Variants in TUSC3 observed in about 807,000 individuals in gnomAD.
The protein encoded by TUSC3 is tumor suppressor candidate 3.
TUSC3 carries 45 observed loss-of-function variants against 44.8 expected under a neutral mutation model. That is an observed-to-expected ratio of 1.00 (90% CI 0.79 to 1.29). TUSC3 has a LOEUF of 1.29. TUSC3 is among the 50% of genes most tolerant of loss of function. The pLI is 0.00. For synonymous variants in TUSC3, 212 were observed against 152.9 expected (o/e 1.39, Z -2.85); for missense variants, 519 against 437.9 (o/e 1.19, Z -1.65).
chr8:15,533,795 G>C (rs139565599), intron 2 of TUSC3, among the ~76,000 whole-genome samples: 1 of 152,126 alleles, frequency 6.6e-6, no homozygotes, highest in Non-Finnish European at 1.5e-5. Context: ...TTTACTGAGG[G>C]GTTGAAATGT....
chr8:15,549,706 AGT>A (rs1282510726), intron 1 of TUSC3, among the ~76,000 whole-genome samples: 4 of 151,416 alleles, frequency 2.6e-5, no homozygotes, highest in Non-Finnish European at 4.4e-5. Flanking sequence ...TTTCAAGGGG[AGT>A]AAAAGTTTTT....
At chr8:15,603,083 G>A (rs1804359470) in intron 1 of TUSC3, among the ~76,000 whole-genome samples, 1 of 151,506 alleles carries the variant, frequency 6.6e-6, no homozygotes, top group Non-Finnish European at 1.5e-5. Flanking sequence ...AAATTGATAT[G>A]TCAAGTCCTA....
At chr8:15,662,060 G>A in intron 4 of TUSC3, 96 bp from the exon 5 acceptor site, 1 of 1,393,548 alleles carries the variant, frequency 7.2e-7, no homozygotes, top group Admixed American at 1.9e-5. Flanking sequence ...GCATGTTTCT[G>A]AGTTCTTTGC....
chr8:15,645,040 A>G lies in TUSC3; in HGVS notation c.309-5657A>G, dbSNP rs1311042727. Among the ~76,000 whole-genome samples the G allele has an allele frequency of 2.6e-4, 39 of 152,192 alleles. 1 individual carries two copies. Reference sequence around the variant, plus strand: ...TGAAATAGGTCACATCTTCATTTACATAATATTTTAATAGTCTCATATGTT... The same window carrying G: ...TGAAATAGGTCACATCTTCATTTACGTAATATTTTAATAGTCTCATATGTT... On this transcript the variant is annotated intron_variant, in intron 2 of 10. Coordinates refer to ENST00000503731, the MANE Select transcript of TUSC3 (RefSeq NM_006765.4).
At chr8:15,546,873 TTGCCTGCC>T (rs1045305027) in intron 1 of TUSC3, among the ~76,000 whole-genome samples, 1 of 151,544 alleles carries the variant, frequency 6.6e-6, no homozygotes, top group Admixed American at 6.6e-5. Context: ...TGGTATCTGT[TTGCCTGCC>T]TGCCTGCCTG....
intron 5 of TUSC3, among the ~76,000 whole-genome samples, chr8:15,670,779 T>G (rs1371708138): frequency 6.6e-6 from 1 of 151,890 alleles, no homozygotes; most frequent in East Asian, 1.9e-4. Flanking sequence ...TGAGGACTAT[T>G]TGCCATGTGT....
intron 6 of TUSC3, among the ~76,000 whole-genome samples, chr8:15,691,071 C>T (rs75563340): frequency 6.6e-6 from 1 of 151,016 alleles, no homozygotes; most frequent in East Asian, 1.9e-4. Flanking sequence ...AGAAATATCA[C>T]TGAATTTGTG....
At chr8:15,744,393 G>C (rs1811318490) in intron 8 of TUSC3, among the ~76,000 whole-genome samples, 1 of 152,084 alleles carries the variant, frequency 6.6e-6, no homozygotes, top group Admixed American at 6.6e-5. Context: ...TTAATATCAA[G>C]TCCCTATATG....
At chr8:15,455,401 G>A (rs1009832624) in intron 1 of TUSC3, among the ~76,000 whole-genome samples, 1 of 151,804 alleles carries the variant, frequency 6.6e-6, no homozygotes, top group Non-Finnish European at 1.5e-5. Flanking sequence ...GTATATTTAT[G>A]TATATATACA....
At chr8:15,755,317 G>A (rs1002688571) in intron 9 of TUSC3, among the ~76,000 whole-genome samples, 3 of 152,046 alleles carry the variant, frequency 2.0e-5, no homozygotes, top group African/African-American at 4.8e-5. Flanking sequence ...TTAGCACATT[G>A]CCTGGTACAT....
At chr8:15,657,572 A>C (rs933353346) in intron 3 of TUSC3, among the ~76,000 whole-genome samples, 2 of 152,092 alleles carry the variant, frequency 1.3e-5, no homozygotes, top group African/African-American at 4.8e-5. Context: ...GATCATAACC[A>C]CTTAAATAAG....
chr8:15,780,558 T>G, the TUSC3 span, among the ~76,000 whole-genome samples: 1 of 152,216 alleles, frequency 6.6e-6, no homozygotes, highest in Non-Finnish European at 1.5e-5. Context: ...GGAAGGCACT[T>G]GCCAGCATAC....
At chr8:15,473,350 A>G (rs1378362661) in intron 1 of TUSC3, among the ~76,000 whole-genome samples, 2 of 152,208 alleles carry the variant, frequency 1.3e-5, no homozygotes, top group Non-Finnish European at 2.9e-5. Context: ...GAAATGTTTC[A>G]TCCCATACCC....
chr8:15,423,969 GTTTTTTTTTTTTTTTTTTTTT>G (rs112397215), intron 1 of TUSC3, among the ~76,000 whole-genome samples: 3 of 70,362 alleles, frequency 4.3e-5, no homozygotes, highest in East Asian at 1.1e-3. Flanking sequence ...GTTTTGCTTT[GTTTTTTTTTTTTTTTTTTTTT>G]TTTTTTTTTT....
At chr8:15,455,878 C>G (rs1800250627) in intron 1 of TUSC3, among the ~76,000 whole-genome samples, 1 of 152,204 alleles carries the variant, frequency 6.6e-6, no homozygotes, top group Non-Finnish European at 1.5e-5. Context: ...ATAGAGGAGA[C>G]TGAATTCTGC....
the TUSC3 span, among the ~76,000 whole-genome samples, chr8:15,809,113 T>A: frequency 2.0e-5 from 3 of 151,996 alleles, no homozygotes; most frequent in Non-Finnish European, 4.4e-5. Flanking sequence ...TAAAGTACCA[T>A]CTTAAGTCAT....
At chr8:15,553,088 G>A (rs1307321813) in intron 1 of TUSC3, among the ~76,000 whole-genome samples, 1 of 151,750 alleles carries the variant, frequency 6.6e-6, no homozygotes. Context: ...GGAAACAGGA[G>A]AAGAAAGATT....
intron 1 of TUSC3, among the ~76,000 whole-genome samples, chr8:15,453,265 T>C (rs930886022): frequency 1.1e-4 from 17 of 152,156 alleles, no homozygotes; most frequent in Non-Finnish European, 1.8e-4. Flanking sequence ...TATTTTCAAA[T>C]TTTAACCATG....
chr8:15,612,092 A>C (rs914176339), intron 1 of TUSC3, among the ~76,000 whole-genome samples: 11 of 152,216 alleles, frequency 7.2e-5, no homozygotes, highest in Non-Finnish European at 1.3e-4. Context: ...TGATACCTTC[A>C]ACATGTACGT....
Sources: gnomAD v4.1 joint callset for allele counts (sites outside exome capture counted in the v4.1 genomes callset) on GRCh38, gnomAD v4.1.1 for gene constraint, MANE v1.5 for transcripts, NCBI Gene and HGNC (gene_info 2026-07-23, HGNC 2026-07-21) for gene names.